TPPP: variants seen among roughly 807,000 people sequenced by gnomAD.
The protein encoded by TPPP is tubulin polymerization promoting protein, also known as tubulin polymerization-promoting protein.
A neutral mutation model predicts 15.5 loss-of-function variants in TPPP; 6 were observed. The observed-to-expected ratio is 0.39, with a 90% confidence interval of 0.21 to 0.77. TPPP has a LOEUF of 0.77. TPPP is among the 30% of genes least tolerant of loss of function. TPPP has a pLI of 0.42. For synonymous variants in TPPP, 146 were observed against 133.9 expected (o/e 1.09, Z -0.63); for missense variants, 269 against 307.2 (o/e 0.88, Z 0.93).
At chr5:696,653 G>C (rs1180150773), upstream of TPPP, among the ~76,000 whole-genome samples, 2 of 98,110 alleles carry the variant, frequency 2.0e-5, no homozygotes, top group East Asian at 5.0e-4. Context: ...AAGCCTCATG[G>C]GGGTGTTGAA....
chr5:681,973 C>T lies in TPPP; in HGVS notation c.-4-3909G>A, dbSNP rs556714425. On this transcript the variant is annotated intron_variant, in intron 1 of 3. Transcript: ENST00000360578. ...GGGGCTTCGTCCCAGACACCGCAGG[C>T]CACCTTGGCCCCAACCCCACAGGCT... is the stretch of plus-strand genomic sequence containing the variant. 4.2e-3 allele frequency among the ~76,000 whole-genome samples: 642 copies of T among 152,128 alleles called. 3 individuals carry two copies. The highest frequency in any genetic ancestry group is 7.1e-3 in the Non-Finnish European group (484 of 67,986).
chr5:686,074 G>A (rs1425498643), intron 1 of TPPP, among the ~76,000 whole-genome samples: 1 of 152,196 alleles, frequency 6.6e-6, no homozygotes, highest in Non-Finnish European at 1.5e-5. Context: ...GCTGTCCAAG[G>A]CCCAAGTGAG....
intron 1 of TPPP, 23 bp downstream of exon 1, chr5:693,255 G>A (rs1251760049): frequency 6.7e-6 from 1 of 148,326 alleles, no homozygotes; most frequent in East Asian, 2.1e-4. Context: ...GCGCCCGCGG[G>A]ACCGAGCCCC....
At chr5:668,565 C>G (rs111842449) in intron 2 of TPPP, among the ~76,000 whole-genome samples, 2 of 152,346 alleles carry the variant, frequency 1.3e-5, no homozygotes, top group African/African-American at 4.8e-5. Context: ...ACTGCCGGCA[C>G]CTCGAGCTGA....
rs1004925247 is a variant in TPPP at position 663,484 on chromosome 5, C to T, written c.*1618G>A. ...CCTCCCCATCCTCAGGTGGAGGCTT[C>T]TCTGTTGAGGGGCCTCGGAGACCGC... On this transcript the variant is annotated 3_prime_UTR_variant, in exon 4 of 4. Transcript: ENST00000360578. 1 of 152,494 alleles carries T rather than the reference C, an allele frequency of 6.6e-6. No homozygotes were observed. Among genetic ancestry groups the T allele is most frequent in the Admixed American group, 6.5e-5 (1 of 15,292 alleles). 9.4% of individuals were successfully genotyped at this position (152,494 alleles called of 1,614,324 possible).
rs930216577 is a variant in TPPP at position 661,890 on chromosome 5, A to C, written c.*3212T>G. On this transcript the variant is annotated 3_prime_UTR_variant, in exon 4 of 4. Coordinates refer to ENST00000360578, the MANE Select transcript of TPPP (RefSeq NM_007030.3). Reference sequence around the variant, plus strand: ...TCTCCTGGCTCCCGCATGTCTGAGAAAAGCCTGAGGGCCGCTGGGGGAGGG... The same window carrying C: ...TCTCCTGGCTCCCGCATGTCTGAGACAAGCCTGAGGGCCGCTGGGGGAGGG... The C allele has an allele frequency of 1.3e-5, 2 of 152,344 alleles. No individual in the cohort carries two copies. The highest frequency in any genetic ancestry group is 4.8e-5 in the African/African-American group (2 of 41,458). The allele number at this position is 152,344 out of a possible 1,614,324, so 9.4% of individuals were successfully genotyped here.
intron 2 of TPPP, 132 bp from the exon 3 acceptor site, chr5:666,255 G>T: frequency 1.0e-6 from 1 of 999,146 alleles, no homozygotes; most frequent in Non-Finnish European, 1.4e-6. Flanking sequence ...CGGCCGCCCT[G>T]GTAGCACTGC....
In TPPP at chr5:666,447, G is replaced by A. The variant is rs1035086619; in HGVS notation, c.312-324C>T. ...CTCCTCCCGGGGCCACCACAGCCCC[G>A]CCCAGCTGCGCCGGGAGCTGGGGGT... On this transcript the variant is annotated intron_variant, in intron 2 of 3. Coordinates refer to ENST00000360578, the MANE Select transcript of TPPP (RefSeq NM_007030.3). Among the ~76,000 whole-genome samples the A allele has an allele frequency of 7.2e-5, 11 of 152,328 alleles. No individual in the cohort carries two copies. The Middle Eastern group carries it at 0.014, about 188-fold the overall frequency.
chr5:682,426 C>T (rs1328085329), intron 1 of TPPP, among the ~76,000 whole-genome samples: 3 of 150,600 alleles, frequency 2.0e-5, no homozygotes, highest in African/African-American at 7.5e-5. Flanking sequence ...GTCACTAGGG[C>T]CAGGGGTCTG....
Position 662,003 on chromosome 5 carries a change from C to G in TPPP, c.*3099G>C, listed in dbSNP as rs932417047. On this transcript the variant is annotated 3_prime_UTR_variant, in exon 4 of 4. Coordinates refer to ENST00000360578, the MANE Select transcript of TPPP (RefSeq NM_007030.3). ...TCTCCCTCCAGGATCCCAGGGTGCT[C>G]CAGGCCAGGACGGGCAGGGTGCCAC... is the stretch of plus-strand genomic sequence containing the variant. The G allele has an allele frequency of 1.3e-5, 2 of 152,502 alleles. No individual in the cohort carries two copies. The highest frequency in any genetic ancestry group is 2.9e-5 in the Non-Finnish European group (2 of 68,134). 9.4% of individuals were successfully genotyped at this position (152,502 alleles called of 1,614,324 possible). A position where few individuals can be genotyped will look rare whatever the true frequency, so the allele number is the denominator to read the frequency against.
At chr5:682,380 C>G (rs1190528629) in intron 1 of TPPP, among the ~76,000 whole-genome samples, 1 of 149,742 alleles carries the variant, frequency 6.7e-6, no homozygotes, top group Non-Finnish European at 1.5e-5. Flanking sequence ...GGGTCTGCCC[C>G]TTGGGCCTGG....
intron 2 of TPPP, among the ~76,000 whole-genome samples, chr5:677,028 A>G (rs749195537): frequency 6.6e-6 from 1 of 150,588 alleles, no homozygotes; most frequent in Non-Finnish European, 1.5e-5. Flanking sequence ...GCACACGTGC[A>G]CACACGACGC....
intron 1 of TPPP, among the ~76,000 whole-genome samples, chr5:685,094 A>G (rs1740732056): frequency 6.6e-6 from 1 of 152,130 alleles, no homozygotes; most frequent in East Asian, 1.9e-4. Context: ...CAGAGAGGTC[A>G]CTGGTCCTGA....
In TPPP at chr5:677,974, C is replaced by T; in HGVS notation, c.87G>A (p.Lys29=). The T allele has an allele frequency of 6.2e-7, 1 of 1,610,370 alleles. No homozygotes were observed. Among genetic ancestry groups the T allele is most frequent in the Non-Finnish European group, 8.5e-7 (1 of 1,178,858 alleles). Residue 29 remains lysine (K), a synonymous_variant, in exon 2 of 4, where the codon AAG becomes AAA. Coordinates refer to ENST00000360578, the MANE Select transcript of TPPP (RefSeq NM_007030.3). The part of the protein sequence containing the change: ...PGDPSKDRAA[K]RLSLESEGAG... ...CACCCTCCGATTCCAGCGACAGCCTCTTGGCTGCCCGGTCCTTCGAGGGGT... is the reference window on the plus strand; with the variant it reads ...CACCCTCCGATTCCAGCGACAGCCTTTTGGCTGCCCGGTCCTTCGAGGGGT...
chr5:675,116 G>T (rs1307404485), intron 2 of TPPP, among the ~76,000 whole-genome samples: 5 of 129,254 alleles, frequency 3.9e-5, no homozygotes, highest in Non-Finnish European at 3.3e-5. Flanking sequence ...TGCAGCACGG[G>T]GGGTACAGTG....
At chr5:670,135 G>T (rs1740160406) in intron 2 of TPPP, among the ~76,000 whole-genome samples, 1 of 152,184 alleles carries the variant, frequency 6.6e-6, no homozygotes, top group Non-Finnish European at 1.5e-5. Flanking sequence ...CCCGGCCTGG[G>T]GCCTCCAGGA....
chr5:666,147 G>A (rs1458059009), intron 2 of TPPP, 24 bp from the exon 3 acceptor site: 1 of 1,604,094 alleles, frequency 6.2e-7, no homozygotes, highest in Non-Finnish European at 8.5e-7. Flanking sequence ...GGCGACTTAG[G>A]GCTGGGCGCG....
At chr5:679,301 C>A (rs1410786954) in intron 1 of TPPP, among the ~76,000 whole-genome samples, 1 of 152,070 alleles carries the variant, frequency 6.6e-6, no homozygotes. Flanking sequence ...CCTCAGGCCC[C>A]ACCCACTCAC....
Position 664,660 on chromosome 5 carries a change from T to C in TPPP, c.*442A>G, listed in dbSNP as rs868464578. On this transcript the variant is annotated 3_prime_UTR_variant, in exon 4 of 4. Coordinates refer to ENST00000360578, the MANE Select transcript of TPPP (RefSeq NM_007030.3). ...CCACAGACACCTCCCACGTCCGGTG[T>C]GGGGCCAATTCCGTGTTAGTTGCCT... 1 of 172,376 alleles carries C rather than the reference T, an allele frequency of 5.8e-6. No homozygotes were observed. The highest frequency in any genetic ancestry group is 1.2e-5 in the Non-Finnish European group (1 of 80,492). The allele number at this position is 172,376 out of a possible 1,614,324, so 10.7% of individuals were successfully genotyped here. A position where few individuals can be genotyped will look rare whatever the true frequency, so the allele number is the denominator to read the frequency against.
Sources: gnomAD v4.1 joint callset for allele counts (sites outside exome capture counted in the v4.1 genomes callset) on GRCh38, gnomAD v4.1.1 for gene constraint, MANE v1.5 for transcripts, NCBI Gene and HGNC (gene_info 2026-07-23, HGNC 2026-07-21) for gene names.